PLSCR4: variants seen among roughly 807,000 people sequenced by gnomAD.
PLSCR4 encodes phospholipid scramblase 4.
PLSCR4 carries 25 observed loss-of-function variants against 36.3 expected under a neutral mutation model. That is an observed-to-expected ratio of 0.69 (90% CI 0.50 to 0.96). The LOEUF is 0.96. Among genes scored for constraint, PLSCR4 ranks in the 40% least tolerant of loss-of-function variants. The pLI, the probability that PLSCR4 is intolerant of heterozygous loss-of-function variation, is 0.00. For missense variants in PLSCR4, 408 were observed against 414.7 expected (o/e 0.98, Z 0.14); for synonymous variants, 122 against 132.9 (o/e 0.92, Z 0.56).
intron 3 of PLSCR4, among the ~76,000 whole-genome samples, chr3:146,215,698 T>C (rs3828378): frequency 0.33 from 49,566 of 152,054 alleles, 8,718 homozygotes; most frequent in South Asian, 0.45. Flanking sequence ...AGCTGAAAGA[T>C]GTTAGAAGCT....
In PLSCR4 at chr3:146,220,826, T is replaced by C; in HGVS notation, c.107A>G (p.His36Arg). The change falls in exon 3 of 9, where the codon CAT (histidine) becomes CGT (arginine). Residue 36 changes from histidine to arginine, a missense_variant. His to Arg is a conservative substitution (Grantham distance 29). Transcript: ENST00000354952. ...RPDAPPEYNS[H>R]FLPGPPGTAV... ...AATATTTAACCCACCTGGTAAAAAA[T>C]GAGAATTGTATTCAGGAGGAGCATC... is the stretch of plus-strand genomic sequence containing the variant. The C allele has an allele frequency of 6.3e-7, 1 of 1,598,286 alleles. No individual in the cohort carries two copies. Among genetic ancestry groups the C allele is most frequent in the Non-Finnish European group, 8.6e-7 (1 of 1,166,314 alleles).
At chr3:146,222,012 C>G in intron 2 of PLSCR4, 53 bp downstream of exon 2, 2 of 1,088,166 alleles carry the variant, frequency 1.8e-6, no homozygotes, top group Non-Finnish European at 2.6e-6. Flanking sequence ...AAAATAATCA[C>G]AAAATTCACA....
chr3:146,201,754 G>A (rs775309534), intron 4 of PLSCR4, among the ~76,000 whole-genome samples: 1 of 152,034 alleles, frequency 6.6e-6, no homozygotes, highest in Non-Finnish European at 1.5e-5. Flanking sequence ...TGAAAAGGAC[G>A]GCTGGGTATA....
At chr3:146,201,931 C>T (rs1429343117) in intron 4 of PLSCR4, among the ~76,000 whole-genome samples, 1 of 152,010 alleles carries the variant, frequency 6.6e-6, no homozygotes, top group African/African-American at 2.4e-5. Context: ...TTAGACCATT[C>T]CTAATCCCTG....
intron 1 of PLSCR4, among the ~76,000 whole-genome samples, chr3:146,227,177 G>C (rs529697477): frequency 6.6e-6 from 1 of 152,308 alleles, no homozygotes; most frequent in Admixed American, 6.5e-5. Flanking sequence ...CTTCATATCT[G>C]TCAGAAACCA....
chr3:146,224,661 T>C (rs1160395269), intron 1 of PLSCR4, among the ~76,000 whole-genome samples: 1 of 151,916 alleles, frequency 6.6e-6, no homozygotes. Flanking sequence ...AAAAAAAGCT[T>C]CCACAGTGTG....
At chr3:146,220,362 T>C (rs2035077320) in intron 3 of PLSCR4, among the ~76,000 whole-genome samples, 1 of 152,192 alleles carries the variant, frequency 6.6e-6, no homozygotes, top group Non-Finnish European at 1.5e-5. Flanking sequence ...ACATCTTCCA[T>C]GTGTCTCATG....
At position 146,219,608 on chromosome 3, in the gene PLSCR4, A is replaced by G. The variant is rs147272301; in HGVS notation, c.118+1207T>C. On this transcript the variant is annotated intron_variant, in intron 3 of 8. Transcript: ENST00000354952. ...AGAAGCCACCTGAGCTGTATGGATC[A>G]TATGCCTAGAGCCAAAAAAAACCTT... is the stretch of plus-strand genomic sequence containing the variant. 3.3e-3 allele frequency among the ~76,000 whole-genome samples: 504 copies of G among 152,188 alleles called. 3 individuals carry two copies. The highest frequency in any genetic ancestry group is 0.012 in the African/African-American group (491 of 41,524).
chr3:146,229,571 G>C (rs908710022), intron 1 of PLSCR4, among the ~76,000 whole-genome samples: 1 of 90,274 alleles, frequency 1.1e-5, no homozygotes, highest in Admixed American at 1.4e-4. Flanking sequence ...GACTGGTCCT[G>C]ATTTTTATCA....
At chr3:146,248,186 G>C (rs1021557732) in intron 1 of PLSCR4, among the ~76,000 whole-genome samples, 17 of 152,036 alleles carry the variant, frequency 1.1e-4, no homozygotes, top group African/African-American at 3.9e-4. Context: ...GATTTTAAAG[G>C]AAGCAGCTGA....
chr3:146,220,735 T>C (rs1300103804), intron 3 of PLSCR4, 80 bp downstream of exon 3: 2 of 826,112 alleles, frequency 2.4e-6, no homozygotes, highest in Non-Finnish European at 4.0e-6. Context: ...AGTCAATTAA[T>C]TTGTTCGCTT....
At chr3:146,221,727 C>A (rs958891300) in intron 2 of PLSCR4, among the ~76,000 whole-genome samples, 3 of 152,152 alleles carry the variant, frequency 2.0e-5, no homozygotes, top group Admixed American at 2.0e-4. Flanking sequence ...CAGGACCTTG[C>A]CACAGGCTCT....
At position 146,238,215 on chromosome 3, in the gene PLSCR4, A is replaced by AC. The variant is rs536627038; in HGVS notation, c.-22+12744dup. Among the ~76,000 whole-genome samples, 42 of 151,822 alleles carry AC rather than the reference A, an allele frequency of 2.8e-4. No individual in the cohort carries two copies. In the South Asian group the frequency reaches 8.7e-3, roughly 31 times the overall value. ...AAAAAAACTTCCCACAAAAAAAAAAACCCAGGTACAGATGATTTACTTGTG... is the reference window on the plus strand; with the variant it reads ...AAAAAAACTTCCCACAAAAAAAAAAACCCCAGGTACAGATGATTTACTTGTG... On this transcript the variant is annotated intron_variant, in intron 1 of 8. Coordinates refer to ENST00000354952, the MANE Select transcript of PLSCR4 (RefSeq NM_020353.3).
chr3:146,203,538 T>C (rs1211628696), intron 4 of PLSCR4, among the ~76,000 whole-genome samples: 1 of 152,048 alleles, frequency 6.6e-6, no homozygotes, highest in Non-Finnish European at 1.5e-5. Flanking sequence ...AATGATCTTG[T>C]TATAGTTAGG....
chr3:146,220,837 T>C lies in PLSCR4; in HGVS notation c.96A>G (p.Glu32=). The stretch of plus-strand genomic sequence containing the variant: ...CACCTGGTAAAAAATGAGAATTGTA[T>C]TCAGGAGGAGCATCAGGCCTTGGAT... ...PPDPRPDAPP[E]YNSHFLPGPP... The change falls in exon 3 of 9, where the codon GAA becomes GAG. Residue 32 remains glutamate (E), a synonymous_variant. Transcript: ENST00000354952. 3.1e-6 allele frequency: 5 copies of C among 1,609,706 alleles called. No individual in the cohort carries two copies. The highest frequency in any genetic ancestry group is 4.3e-6 in the Non-Finnish European group (5 of 1,176,128).
intron 4 of PLSCR4, among the ~76,000 whole-genome samples, chr3:146,204,191 A>G (rs2034197945): frequency 6.6e-6 from 1 of 151,974 alleles, no homozygotes; most frequent in Non-Finnish European, 1.5e-5. Flanking sequence ...TGAAAATAAT[A>G]TAATCGTGCT....
intron 2 of PLSCR4, among the ~76,000 whole-genome samples, chr3:146,221,201 C>T (rs771634901): frequency 3.9e-5 from 6 of 152,108 alleles, no homozygotes; most frequent in Non-Finnish European, 5.9e-5. Context: ...TCAACTGCCC[C>T]GATGCTAACT....
chr3:146,248,223 A>T (rs1274490187), intron 1 of PLSCR4, among the ~76,000 whole-genome samples: 1 of 152,196 alleles, frequency 6.6e-6, no homozygotes, highest in African/African-American at 2.4e-5. Flanking sequence ...AAGAAAAAAA[A>T]TGAGACAATA....
intron 1 of PLSCR4, among the ~76,000 whole-genome samples, chr3:146,236,787 C>T (rs76248161): frequency 2.9e-4 from 44 of 152,100 alleles, no homozygotes; most frequent in African/African-American, 1.0e-3. Flanking sequence ...AATACAGACT[C>T]AATTACATGC....
Sources: gnomAD v4.1 joint callset for allele counts (sites outside exome capture counted in the v4.1 genomes callset) on GRCh38, gnomAD v4.1.1 for gene constraint, MANE v1.5 for transcripts, NCBI Gene and HGNC (gene_info 2026-07-23, HGNC 2026-07-21) for gene names.